The following RAI1 variants were observed in gnomAD, a reference collection of about 807,000 sequenced individuals.
The protein encoded by RAI1 is retinoic acid-induced protein 1.
Under a neutral mutation model 123.8 loss-of-function variants are expected in RAI1, and 9 were observed. The ratio of observed to expected loss-of-function variants is 0.07; its 90% confidence interval spans 0.04 to 0.13. The LOEUF (loss-of-function observed/expected upper bound fraction) is 0.13. RAI1 is among the 10% of genes least tolerant of loss of function. RAI1 has a pLI of 1.00. For missense variants in RAI1, 2,256 were observed against 2,545.8 expected (o/e 0.89, Z 2.45); for synonymous variants, 1,231 against 1,127.3 (o/e 1.09, Z -1.84).
intron 2 of RAI1, among the ~76,000 whole-genome samples, chr17:17,789,589 C>A (rs2031941891): frequency 1.3e-5 from 2 of 152,196 alleles, no homozygotes; most frequent in African/African-American, 4.8e-5. Flanking sequence ...TCCTGATGCC[C>A]TGGGTGCTAT....
intron 2 of RAI1, chr17:17,766,041 C>T (rs901241755): frequency 8.5e-5 from 13 of 152,266 alleles, no homozygotes; most frequent in African/African-American, 3.1e-4. Context: ...GGCCTGGTTC[C>T]GAGGTGCCCA....
intron 1 of RAI1, among the ~76,000 whole-genome samples, chr17:17,683,196 G>A (rs767442675): frequency 5.9e-5 from 9 of 152,340 alleles, no homozygotes; most frequent in Non-Finnish European, 8.8e-5. Context: ...TCAGAGCAGG[G>A]GAATTACTTC....
At position 17,794,585 on chromosome 17, in the gene RAI1, C is replaced by T. The variant is rs1168221178; in HGVS notation, c.1637C>T (p.Ser546Leu). The part of the protein sequence containing the change: ...RGSPARVNSN[S>L]KAKPESVSTC... Reference sequence around the variant, plus strand: ...AGCCCTGCCAGGGTCAACAGCAACTCGAAGGCCAAGCCCGAGTCCGTGTCC... The same window carrying T: ...AGCCCTGCCAGGGTCAACAGCAACTTGAAGGCCAAGCCCGAGTCCGTGTCC... Residue 546 changes from serine to leucine, a missense_variant, in exon 3 of 6, where the codon TCG (serine) becomes TTG (leucine). Physicochemically the swap from Ser to Leu is moderately radical, Grantham distance 145 (BLOSUM62 -2). This residue lies in a region of RAI1 where 357 missense variants were observed against 480.2 expected (regional missense o/e 0.74). Coordinates refer to ENST00000353383, the MANE Select transcript of RAI1 (RefSeq NM_030665.4). The T allele has an allele frequency of 3.1e-6, 5 of 1,613,130 alleles. No individual in the cohort carries two copies. The highest frequency in any genetic ancestry group is 2.7e-5 in the African/African-American group (2 of 74,944).
intron 1 of RAI1, among the ~76,000 whole-genome samples, chr17:17,713,456 A>G (rs772701074): frequency 2.0e-5 from 3 of 152,152 alleles, no homozygotes; most frequent in Admixed American, 6.5e-5. Flanking sequence ...CCTGGCCAAC[A>G]TGGTAAAACC....
intron 2 of RAI1, among the ~76,000 whole-genome samples, chr17:17,749,690 T>C (rs937455046): frequency 6.6e-6 from 1 of 152,118 alleles, no homozygotes; most frequent in Non-Finnish European, 1.5e-5. Flanking sequence ...CTCTCCTCCT[T>C]CTCTCTCATA....
At chr17:17,705,712 C>T (rs1023311433) in intron 1 of RAI1, among the ~76,000 whole-genome samples, 1 of 150,978 alleles carries the variant, frequency 6.6e-6, no homozygotes, top group African/African-American at 2.4e-5. Flanking sequence ...GGCGACAGTG[C>T]AAGACTCCCT....
rs1294054139 is a variant in RAI1 at position 17,797,846 on chromosome 17, C to T, written c.4898C>T (p.Ser1633Phe). The change falls in exon 3 of 6, where the codon TCT (serine) becomes TTT (phenylalanine). Residue 1633 changes from serine (S) to phenylalanine (F), a missense_variant. Transcript: ENST00000353383. ...AGGAAGCCTTCCTCCTCTGCCTCCT[C>T]TTCCTCATCCTCGTCCTCGTTCTCC... ...PHRKPSSSAS[S>F]SSSSSSFSLD... 6.2e-7 allele frequency: 1 copy of T among 1,614,054 alleles called. No homozygotes were observed. Among genetic ancestry groups the T allele is most frequent in the South Asian group, 1.1e-5 (1 of 91,086 alleles).
intron 2 of RAI1, among the ~76,000 whole-genome samples, chr17:17,756,792 G>A (rs1467937656): frequency 6.6e-6 from 1 of 152,220 alleles, no homozygotes; most frequent in African/African-American, 2.4e-5. Context: ...CGTCGGTAAC[G>A]AGGCAGGGAA....
At chr17:17,723,454 A>G (rs1350171004) in intron 1 of RAI1, among the ~76,000 whole-genome samples, 1 of 151,478 alleles carries the variant, frequency 6.6e-6, no homozygotes, top group Non-Finnish European at 1.5e-5. Flanking sequence ...CAGGCTCGTA[A>G]GTCACTGGAA....
chr17:17,761,657 G>T (rs2030702709), intron 2 of RAI1, among the ~76,000 whole-genome samples: 1 of 152,168 alleles, frequency 6.6e-6, no homozygotes, highest in Non-Finnish European at 1.5e-5. Context: ...AGGTTGGGAG[G>T]CACAAAAGGT....
intron 4 of RAI1, among the ~76,000 whole-genome samples, chr17:17,805,498 G>A (rs1255033174): frequency 2.6e-5 from 4 of 152,102 alleles, no homozygotes; most frequent in Admixed American, 2.0e-4. Context: ...CCAGGCTCCC[G>A]TCGCTCTCCT....
At chr17:17,792,328 T>C (rs572491051) in intron 2 of RAI1, among the ~76,000 whole-genome samples, 2 of 152,032 alleles carry the variant, frequency 1.3e-5, no homozygotes, top group East Asian at 1.9e-4. Context: ...TGTGTGTGTG[T>C]GTGCGCGCGT....
chr17:17,792,391 G>A (rs2032047339), intron 2 of RAI1, among the ~76,000 whole-genome samples: 1 of 152,288 alleles, frequency 6.6e-6, no homozygotes, highest in South Asian at 2.1e-4. Context: ...GGGGACAGGG[G>A]CAGACCCTCC....
At chr17:17,708,942 C>T (rs892947964) in intron 1 of RAI1, among the ~76,000 whole-genome samples, 1 of 152,232 alleles carries the variant, frequency 6.6e-6, no homozygotes, top group African/African-American at 2.4e-5. Flanking sequence ...CTGCTCCAGG[C>T]ACAAAGGGAA....
At chr17:17,774,992 G>T (rs2031285773) in intron 2 of RAI1, among the ~76,000 whole-genome samples, 1 of 152,046 alleles carries the variant, frequency 6.6e-6, no homozygotes, top group East Asian at 1.9e-4. Flanking sequence ...GCAGAGTCTT[G>T]GGGCCCAGAA....
At chr17:17,695,512 C>A (rs1191388064) in intron 1 of RAI1, among the ~76,000 whole-genome samples, 1 of 151,238 alleles carries the variant, frequency 6.6e-6, no homozygotes, top group Non-Finnish European at 1.5e-5. Context: ...GCCTTCTTTC[C>A]CCTGGTCTTT....
intron 2 of RAI1, among the ~76,000 whole-genome samples, chr17:17,771,713 C>T (rs1274737852): frequency 6.6e-6 from 1 of 152,200 alleles, no homozygotes; most frequent in Admixed American, 6.5e-5. Context: ...CCATCAAAGC[C>T]GGCCTGTCGG....
chr17:17,780,500 T>C (rs1003170181), intron 2 of RAI1, among the ~76,000 whole-genome samples: 6 of 152,282 alleles, frequency 3.9e-5, no homozygotes, highest in Admixed American at 3.3e-4. Context: ...ATCTCCCCGA[T>C]TGAGGTCCCA....
chr17:17,729,857 A>C (rs557641453), intron 2 of RAI1, among the ~76,000 whole-genome samples: 1 of 152,332 alleles, frequency 6.6e-6, no homozygotes, highest in South Asian at 2.1e-4. Flanking sequence ...CTAGGGGGCA[A>C]AGATGCTCAC....
Sources: allele counts gnomAD v4.1 joint callset (sites outside exome capture counted in the v4.1 genomes callset), GRCh38; gene constraint gnomAD v4.1.1; regional missense constraint gnomAD v4.1.1; transcripts MANE v1.5; gene names NCBI Gene and HGNC (gene_info 2026-07-23, HGNC 2026-07-21).